SOX5: variants seen among roughly 807,000 people sequenced by gnomAD.
SOX5 encodes the protein SRY-box transcription factor 5.
SOX5 carries 9 observed loss-of-function variants against 92.0 expected under a neutral mutation model. The observed-to-expected ratio is 0.10, with a 90% CI of 0.06 to 0.17. The LOEUF (loss-of-function observed/expected upper bound fraction) is 0.17, where lower values mean the gene tolerates loss of function less well. Ranked by LOEUF, SOX5 falls within the 10% of genes least tolerant of loss-of-function variation. SOX5 has a pLI of 1.00. For synonymous variants in SOX5, 344 were observed against 336.3 expected, an observed-to-expected ratio of 1.02 and a Z score of -0.25; for missense variants, 642 against 944.5, an observed-to-expected ratio of 0.68 and a Z score of 4.20.
intron 6 of SOX5, among the ~76,000 whole-genome samples, chr12:23,726,928 C>A (rs1593726314): frequency 6.6e-6 from 1 of 152,226 alleles, no homozygotes; most frequent in East Asian, 1.9e-4. Context: ...TAGACCACAG[C>A]AACGCTAACC....
rs192107182 is a variant in SOX5 at position 24,312,493 on chromosome 12, T to A, written c.-173-35181A>T. Among the ~76,000 whole-genome samples the A allele has an allele frequency of 1.2e-4, 19 of 152,290 alleles. No homozygotes were observed. The East Asian group carries it at 3.5e-3, about 28-fold the overall frequency. On this transcript the variant is annotated intron_variant, in intron 2 of 4. Coordinates refer to the SOX5 transcript ENST00000446891. ...TTATTTATTCATTTGTTTACTCACTTCTGTATCACCAATCAAGTGTAAACA... is the reference window on the plus strand; with the variant it reads ...TTATTTATTCATTTGTTTACTCACTACTGTATCACCAATCAAGTGTAAACA...
rs143810052 is a variant in SOX5 at position 24,295,609 on chromosome 12, G to A, written c.-173-18297C>T. On this transcript the variant is annotated intron_variant, in intron 2 of 4. Coordinates refer to the SOX5 transcript ENST00000446891. Reference sequence around the variant, plus strand: ...AATGGAGTCTTGCTCTCTCAGCCACGCTAGAGTTCAGTGGTACAATCTTGG... The same window carrying A: ...AATGGAGTCTTGCTCTCTCAGCCACACTAGAGTTCAGTGGTACAATCTTGG... Among the ~76,000 whole-genome samples, 625 of 152,274 alleles carry A rather than the reference G, an allele frequency of 4.1e-3. 7 individuals are homozygous for A. Among genetic ancestry groups the A allele is most frequent in the African/African-American group, 0.014 (589 of 41,544 alleles).
In SOX5 at chr12:24,430,743, C is replaced by T. The variant is rs148104402; in HGVS notation, c.-250-62104G>A. On this transcript the variant is annotated intron_variant, in intron 1 of 4. Transcript: ENST00000446891. ...ATTGCATATCACTTATTTTCAAGAA[C>T]CATTCACTAAATAAAAGTTTGTACA... 3.0e-3 allele frequency among the ~76,000 whole-genome samples: 455 copies of T among 152,130 alleles called. 4 individuals are homozygous for T. The highest frequency in any genetic ancestry group is 0.011 in the African/African-American group (448 of 41,490).
chr12:24,262,034 G>A (rs1816061915), intron 3 of SOX5, among the ~76,000 whole-genome samples: 1 of 152,058 alleles, frequency 6.6e-6, no homozygotes, highest in African/African-American at 2.4e-5. Flanking sequence ...TTTTAGTAGT[G>A]AATGGCAAAA....
At chr12:23,550,439 G>T (rs1943973954) in intron 11 of SOX5, among the ~76,000 whole-genome samples, 1 of 151,828 alleles carries the variant, frequency 6.6e-6, no homozygotes, top group South Asian at 2.1e-4. Flanking sequence ...TTTTAAGATA[G>T]ATATACTTTT....
intron 3 of SOX5, among the ~76,000 whole-genome samples, chr12:23,779,847 AC>A (rs2095233636): frequency 6.8e-6 from 1 of 146,188 alleles, no homozygotes; most frequent in Non-Finnish European, 1.5e-5. Context: ...ACATATGCAT[AC>A]ATACACATAA....
chr12:24,388,166 A>G (rs190762691), intron 1 of SOX5, among the ~76,000 whole-genome samples: 1 of 152,328 alleles, frequency 6.6e-6, no homozygotes, highest in East Asian at 1.9e-4. Context: ...TCCAGAAATC[A>G]AAATTCACTT....
At chr12:23,673,787 T>C (rs2139636165) in intron 6 of SOX5, among the ~76,000 whole-genome samples, 1 of 152,024 alleles carries the variant, frequency 6.6e-6, no homozygotes, top group Admixed American at 6.6e-5. Flanking sequence ...GGGACACAGG[T>C]AATGGGTATA....
At position 24,067,299 on chromosome 12, in the gene SOX5, A is replaced by G. The variant is rs116310234; in HGVS notation, c.-2+146044T>C. Among the ~76,000 whole-genome samples the G allele has an allele frequency of 6.6e-3, 1,007 of 152,314 alleles. 15 individuals are homozygous for G. The highest frequency in any genetic ancestry group is 0.023 in the African/African-American group (975 of 41,564). Reference sequence around the variant, plus strand: ...TCCCTGGATACTTCTAAACCTTCCAAAAGCAGTCCCAAGGCTCAGCAAAAC... The same window carrying G: ...TCCCTGGATACTTCTAAACCTTCCAGAAGCAGTCCCAAGGCTCAGCAAAAC... On this transcript the variant is annotated intron_variant, in intron 4 of 4. Transcript: ENST00000446891.
chr12:24,412,384 A>G (rs1964260813), intron 1 of SOX5, among the ~76,000 whole-genome samples: 1 of 151,794 alleles, frequency 6.6e-6, no homozygotes, highest in Admixed American at 6.6e-5. Context: ...TACTGATTTG[A>G]GACTTTTCCT....
At chr12:24,010,842 G>A (rs967097280) in intron 4 of SOX5, among the ~76,000 whole-genome samples, 49 of 152,112 alleles carry the variant, frequency 3.2e-4, no homozygotes, top group African/African-American at 1.1e-3. Flanking sequence ...AAGAGGCTGA[G>A]GCCCAAGAAT....
intron 4 of SOX5, among the ~76,000 whole-genome samples, chr12:24,076,465 C>T (rs1942609894): frequency 6.6e-6 from 1 of 152,106 alleles, no homozygotes; most frequent in South Asian, 2.1e-4. Flanking sequence ...TGTTTTCATT[C>T]TTATGTGGGT....
chr12:24,111,212 A>G (rs1947315626), intron 4 of SOX5, among the ~76,000 whole-genome samples: 1 of 152,132 alleles, frequency 6.6e-6, no homozygotes, highest in African/African-American at 2.4e-5. Flanking sequence ...AGCAAACCAC[A>G]TTTCTAAACT....
rs115141610 is a variant in SOX5, at chr12:23,782,606, T to C, written c.482-26882A>G. 7.1e-3 allele frequency among the ~76,000 whole-genome samples: 1,088 copies of C among 152,240 alleles called. 12 individuals are homozygous for C. The highest frequency in any genetic ancestry group is 0.025 in the African/African-American group (1,025 of 41,564). Reference sequence around the variant, plus strand: ...TGGCACAATGGCAAGGCCATCCCTATTGTTGAAGGTGCATTTACTACAAAT... The same window carrying C: ...TGGCACAATGGCAAGGCCATCCCTACTGTTGAAGGTGCATTTACTACAAAT... On this transcript the variant is annotated intron_variant, in intron 3 of 14. Coordinates refer to ENST00000451604, the MANE Select transcript of SOX5 (RefSeq NM_006940.6).
intron 4 of SOX5, among the ~76,000 whole-genome samples, chr12:24,160,273 A>T (rs1952615791): frequency 6.6e-6 from 1 of 152,098 alleles, no homozygotes; most frequent in Non-Finnish European, 1.5e-5. Context: ...TAATGTTCAT[A>T]ACATCTATAG....
chr12:23,851,827 T>G (rs2096636846), intron 2 of SOX5, among the ~76,000 whole-genome samples: 2 of 152,104 alleles, frequency 1.3e-5, no homozygotes, highest in South Asian at 4.1e-4. Flanking sequence ...TCAGGGATCC[T>G]TAGTGCCTAA....
At chr12:24,454,551 T>G (rs1198052973) in intron 1 of SOX5, among the ~76,000 whole-genome samples, 1 of 152,202 alleles carries the variant, frequency 6.6e-6, no homozygotes, top group African/African-American at 2.4e-5. Context: ...GCACAAGTAT[T>G]TACGGGAATC....
intron 3 of SOX5, among the ~76,000 whole-genome samples, chr12:23,808,633 A>G (rs1594662199): frequency 2.0e-5 from 3 of 152,302 alleles, no homozygotes; most frequent in African/African-American, 7.2e-5. Context: ...CACTACTATC[A>G]TTCTACTTTT....
At chr12:23,872,231 C>A (rs973622682) in intron 2 of SOX5, among the ~76,000 whole-genome samples, 83 of 131,370 alleles carry the variant, frequency 6.3e-4, no homozygotes, top group Admixed American at 1.3e-3. Flanking sequence ...CCAGGATGGT[C>A]TCGATCTCCT....
Sources: allele counts gnomAD v4.1 joint callset (sites outside exome capture counted in the v4.1 genomes callset), GRCh38; gene constraint gnomAD v4.1.1; transcripts MANE v1.5; gene names NCBI Gene and HGNC (gene_info 2026-07-23, HGNC 2026-07-21).